DPY19L4: variants seen among roughly 807,000 people sequenced by gnomAD.
The protein encoded by DPY19L4 is probable C-mannosyltransferase DPY19L4.
In DPY19L4, 97 loss-of-function variants were observed where a neutral mutation model predicts 102.8. That is an observed-to-expected ratio of 0.94 (90% CI 0.80 to 1.12). DPY19L4 has a LOEUF of 1.12. Among genes scored for constraint, DPY19L4 ranks in the 50% most tolerant of loss-of-function variants. The pLI is 0.00. For synonymous variants in DPY19L4, 252 were observed against 283.1 expected, an observed-to-expected ratio of 0.89 and a Z score of 1.10; for missense variants, 815 against 850.4, an observed-to-expected ratio of 0.96 and a Z score of 0.52.
In DPY19L4 at chr8:94,722,015, A is replaced by G. The variant is rs535692148; in HGVS notation, c.16+2001A>G. On this transcript the variant is annotated intron_variant, in intron 1 of 18. Coordinates refer to ENST00000414645, the MANE Select transcript of DPY19L4 (RefSeq NM_181787.3). ...TCCCAGCTACTCAGGAGGCTGAGAT[A>G]GGAGAATCACTTGAACCCGGGAGGC... 7.2e-5 allele frequency among the ~76,000 whole-genome samples: 11 copies of G among 152,328 alleles called. No homozygotes were observed. In the South Asian group the frequency reaches 1.2e-3, roughly 17 times the overall value.
chr8:94,739,731 G>C lies in DPY19L4; in HGVS notation c.552G>C (p.Trp184Cys). The C allele has an allele frequency of 6.2e-7, 1 of 1,613,368 alleles. No individual in the cohort carries two copies. Among genetic ancestry groups the C allele is most frequent in the East Asian group, 2.2e-5 (1 of 44,882 alleles). The change falls in exon 6 of 19, where the codon TGG (tryptophan) becomes TGC (cysteine). Residue 184 changes from tryptophan to cysteine, a missense_variant. Transcript: ENST00000414645. ...TTACTGCTTTATTTGTTACAAGTTG[G>C]CTTATGAGTGGAACATGGCTAGCAG... ...IYVTALFVTSWLMSGTWLAGM... is the reference protein window; with the variant it reads ...IYVTALFVTSCLMSGTWLAGM...
Position 94,766,598 on chromosome 8 carries a change from T to C in DPY19L4, c.1102-14T>C. 6.2e-7 allele frequency: 1 copy of C among 1,611,734 alleles called. No homozygotes were observed. Among genetic ancestry groups the C allele is most frequent in the Non-Finnish European group, 8.5e-7 (1 of 1,179,046 alleles). On this transcript the variant is annotated splice_polypyrimidine_tract_variant and intron_variant, in intron 10 of 18. Coordinates refer to ENST00000414645, the MANE Select transcript of DPY19L4 (RefSeq NM_181787.3). ...CTAATATTTCTTTGTTTAACTGGTG[T>C]TTTTCTCTTCTAGATGTTTGTCCCA...
At chr8:94,754,200 C>G (rs953505135) in intron 6 of DPY19L4, among the ~76,000 whole-genome samples, 3 of 152,002 alleles carry the variant, frequency 2.0e-5, no homozygotes, top group Non-Finnish European at 4.4e-5. Flanking sequence ...GCTTAGAGGT[C>G]TGAGACTAGG....
At chr8:94,762,533 AG>A (rs1240185771) in intron 8 of DPY19L4, among the ~76,000 whole-genome samples, 1 of 152,164 alleles carries the variant, frequency 6.6e-6, no homozygotes, top group African/African-American at 2.4e-5. Flanking sequence ...GGCAAAGGAT[AG>A]AAAAGGGAGT....
At chr8:94,760,678 T>C (rs1207705807) in intron 7 of DPY19L4, among the ~76,000 whole-genome samples, 1 of 152,244 alleles carries the variant, frequency 6.6e-6, no homozygotes, top group East Asian at 1.9e-4. Context: ...TTATTGTCCT[T>C]CTCCTTCACT....
rs985963336 is a variant in DPY19L4 at position 94,773,673 on chromosome 8, G to A, written c.1454+3102G>A. On this transcript the variant is annotated intron_variant, in intron 13 of 18. Coordinates refer to ENST00000414645, the MANE Select transcript of DPY19L4 (RefSeq NM_181787.3). ...TTGAACTCTTGACCTCAGGTGATCC[G>A]CCTGACTCAGCCTCCCAAAGTGCTA... is the stretch of plus-strand genomic sequence containing the variant. 4.6e-5 allele frequency among the ~76,000 whole-genome samples: 7 copies of A among 151,910 alleles called. No individual in the cohort carries two copies. The South Asian group carries it at 6.2e-4, about 14-fold the overall frequency.
Position 94,765,243 on chromosome 8 carries a change from G to A in DPY19L4, c.931G>A (p.Glu311Lys), listed in dbSNP as rs1308154946. 1 of 1,609,526 alleles carries A rather than the reference G, an allele frequency of 6.2e-7. No homozygotes were observed. The highest frequency in any genetic ancestry group is 2.2e-5 in the East Asian group (1 of 44,670). ...SLFLGYLLQF[E>K]NPALLVSPLL... is the part of the protein sequence containing the mutation. ...CTTTCTGGGATATTTACTACAGTTT[G>A]AGAATCCAGCTTTGTTGGTATCTCC... The change falls in exon 9 of 19, where the codon GAG (glutamate) becomes AAG (lysine). Residue 311 changes from glutamate (E) to lysine (K), a missense_variant. Transcript: ENST00000414645.
At chr8:94,747,192 A>G (rs1811712643) in intron 6 of DPY19L4, among the ~76,000 whole-genome samples, 1 of 151,986 alleles carries the variant, frequency 6.6e-6, no homozygotes, top group South Asian at 2.1e-4. Context: ...CTTCTCTAGT[A>G]GCTGGATAAC....
intron 4 of DPY19L4, 110 bp from the exon 5 acceptor site, chr8:94,739,303 T>C (rs886113422): frequency 1.4e-5 from 18 of 1,301,576 alleles, no homozygotes; most frequent in African/African-American, 4.5e-5. Flanking sequence ...CATGGAGTAT[T>C]CTATTTGGGA....
At chr8:94,788,315 A>G (rs1170438850) in intron 18 of DPY19L4, among the ~76,000 whole-genome samples, 2 of 152,022 alleles carry the variant, frequency 1.3e-5, no homozygotes, top group East Asian at 3.8e-4. Flanking sequence ...CATTGCCTGT[A>G]CTTATTCAGG....
At chr8:94,725,496 G>A (rs1810646916) in intron 1 of DPY19L4, among the ~76,000 whole-genome samples, 1 of 152,148 alleles carries the variant, frequency 6.6e-6, no homozygotes, top group Non-Finnish European at 1.5e-5. Context: ...CTCATATATA[G>A]GTATCTTTGT....
At chr8:94,777,822 A>G in intron 14 of DPY19L4, 36 bp downstream of exon 14, 1 of 1,576,688 alleles carries the variant, frequency 6.3e-7, no homozygotes, top group Non-Finnish European at 8.6e-7. Context: ...TCTTCTAATT[A>G]TATAAAATCA....
chr8:94,771,728 G>A (rs1342034495), intron 13 of DPY19L4, among the ~76,000 whole-genome samples: 1 of 152,218 alleles, frequency 6.6e-6, no homozygotes, highest in Non-Finnish European at 1.5e-5. Flanking sequence ...AAGGATCATG[G>A]CACATTGTTG....
chr8:94,739,731 G>T lies in DPY19L4; in HGVS notation c.552G>T (p.Trp184Cys). 6.2e-7 allele frequency: 1 copy of T among 1,613,368 alleles called. No individual in the cohort carries two copies. The highest frequency in any genetic ancestry group is 8.5e-7 in the Non-Finnish European group (1 of 1,180,020). ...TTACTGCTTTATTTGTTACAAGTTG[G>T]CTTATGAGTGGAACATGGCTAGCAG... ...IYVTALFVTS[W>C]LMSGTWLAGM... The change falls in exon 6 of 19, where the codon TGG (tryptophan) becomes TGT (cysteine). Residue 184 changes from tryptophan to cysteine, a missense_variant. By Grantham distance (215) the Trp-to-Cys change is radical (BLOSUM62 -2). Coordinates refer to ENST00000414645, the MANE Select transcript of DPY19L4 (RefSeq NM_181787.3).
rs1025032397 is a variant in DPY19L4, at chr8:94,739,470, T to C, written c.401T>C (p.Val134Ala). Residue 134 changes from valine (V) to alanine (A), a missense_variant, in exon 5 of 19, where the codon GTG becomes GCG. Val to Ala is a moderately conservative substitution (Grantham distance 64). Transcript: ENST00000414645. ...GTATCTCTGAAGACTATAAATGCAG[T>C]GCAGCAAATGTCTCTGTATCCGGAA... Reference protein sequence around the residue: ...KTVSLKTINAVQQMSLYPELI... With the variant: ...KTVSLKTINAAQQMSLYPELI... 2 of 1,609,176 alleles carry C rather than the reference T, an allele frequency of 1.2e-6. No individual in the cohort carries two copies. Among genetic ancestry groups the C allele is most frequent in the African/African-American group, 2.7e-5 (2 of 74,656 alleles).
Position 94,768,404 on chromosome 8 carries a change from A to C in DPY19L4, c.1185A>C (p.Thr395=). Residue 395 remains threonine (T), a synonymous_variant, in exon 12 of 19, where the codon ACA becomes ACC. Coordinates refer to ENST00000414645, the MANE Select transcript of DPY19L4 (RefSeq NM_181787.3). ...KFGLNMTKNF[T]MNWLLCQESL... The stretch of plus-strand genomic sequence containing the variant: ...TTTTTGTCTTCTATAGGAATTTTAC[A>C]ATGAATTGGCTCCTCTGTCAAGAAT... 10 of 1,592,684 alleles carry C rather than the reference A, an allele frequency of 6.3e-6. No individual in the cohort carries two copies. Among genetic ancestry groups the C allele is most frequent in the South Asian group, 1.2e-5 (1 of 85,572 alleles).
Position 94,732,811 on chromosome 8 carries a change from CT to C in DPY19L4, c.128-1802del, listed in dbSNP as rs10624368. Among the ~76,000 whole-genome samples, 77 of 128,070 alleles carry C rather than the reference CT, an allele frequency of 6.0e-4. 1 individual carries two copies. The highest frequency in any genetic ancestry group is 2.6e-3 in the South Asian group (10 of 3,902). The allele number at this position is 128,070 out of a possible 152,430, so 84.0% of individuals were successfully genotyped here. On this transcript the variant is annotated intron_variant, in intron 2 of 18. Coordinates refer to ENST00000414645, the MANE Select transcript of DPY19L4 (RefSeq NM_181787.3). ...CCATCTTACCCTTTTCTTTTTCTTT[CT>C]TTTTTTTTTTTTTTTTGAGACAAGA...
intron 2 of DPY19L4, among the ~76,000 whole-genome samples, chr8:94,730,711 C>T (rs1477901767): frequency 6.7e-6 from 1 of 148,224 alleles, no homozygotes; most frequent in Non-Finnish European, 1.5e-5. Flanking sequence ...CGCCATTGCA[C>T]TCCAGCCTGG....
intron 7 of DPY19L4, among the ~76,000 whole-genome samples, chr8:94,759,016 C>T (rs1257166186): frequency 1.3e-5 from 2 of 152,114 alleles, no homozygotes; most frequent in African/African-American, 2.4e-5. Flanking sequence ...GGAGTTGGTT[C>T]TTTCCAGTGG....
Sources: allele counts gnomAD v4.1 joint callset (sites outside exome capture counted in the v4.1 genomes callset), GRCh38; gene constraint gnomAD v4.1.1; transcripts MANE v1.5; gene names NCBI Gene and HGNC (gene_info 2026-07-23, HGNC 2026-07-21).